RSRC1: variants seen among roughly 807,000 people sequenced by gnomAD.
The protein encoded by RSRC1 is serine/Arginine-related protein 53.
A neutral mutation model predicts 49.1 loss-of-function variants in RSRC1; 39 were observed. The observed-to-expected ratio is 0.79, with a 90% CI of 0.61 to 1.04. The LOEUF (loss-of-function observed/expected upper bound fraction) is 1.04. Ranked by LOEUF, RSRC1 falls within the 50% of genes least tolerant of loss-of-function variation. RSRC1 has a pLI of 0.00. For missense variants in RSRC1, 388 were observed against 402.4 expected (o/e 0.96, Z 0.31); for synonymous variants, 143 against 130.8 (o/e 1.09, Z -0.63).
intron 5 of RSRC1, among the ~76,000 whole-genome samples, chr3:158,307,386 A>G (rs1727892606): frequency 6.6e-6 from 1 of 151,952 alleles, no homozygotes; most frequent in African/African-American, 2.4e-5. Context: ...TCGAATGCTT[A>G]GCATATAAAG....
chr3:158,147,088 T>C (rs1427309152), intron 3 of RSRC1, among the ~76,000 whole-genome samples: 1 of 147,726 alleles, frequency 6.8e-6, no homozygotes, highest in Non-Finnish European at 1.5e-5. Flanking sequence ...CTTTTCTTTC[T>C]TCTGCTTTTC....
chr3:158,297,029 C>T (rs1425027686), intron 4 of RSRC1, among the ~76,000 whole-genome samples: 8 of 151,760 alleles, frequency 5.3e-5, no homozygotes, highest in African/African-American at 9.7e-5. Flanking sequence ...AAGTTGAGAC[C>T]CCTCAGAGAA....
intron 6 of RSRC1, among the ~76,000 whole-genome samples, chr3:158,396,100 T>C (rs575372417): frequency 2.0e-4 from 30 of 152,224 alleles, no homozygotes; most frequent in African/African-American, 7.0e-4. Flanking sequence ...AACCAAATGC[T>C]GCGTGTCCTC....
intron 4 of RSRC1, among the ~76,000 whole-genome samples, chr3:158,228,800 T>G (rs1722670111): frequency 6.6e-6 from 1 of 151,664 alleles, no homozygotes; most frequent in African/African-American, 2.4e-5. Flanking sequence ...TATATGTGTG[T>G]ATATATGTCT....
intron 4 of RSRC1, among the ~76,000 whole-genome samples, chr3:158,253,062 ATTGGC>A (rs1488037160): frequency 2.0e-5 from 3 of 149,602 alleles, no homozygotes; most frequent in African/African-American, 7.4e-5. Flanking sequence ...TTTGGCACTT[ATTGGC>A]TTCAAATTCA....
At chr3:158,407,788 A>C (rs896981161) in intron 6 of RSRC1, among the ~76,000 whole-genome samples, 5 of 152,204 alleles carry the variant, frequency 3.3e-5, no homozygotes, top group African/African-American at 7.2e-5. Context: ...CTTTTATAGA[A>C]TCTAAACTTA....
At chr3:158,253,766 A>G (rs933164023) in intron 4 of RSRC1, among the ~76,000 whole-genome samples, 25 of 151,928 alleles carry the variant, frequency 1.6e-4, no homozygotes, top group Admixed American at 3.9e-4. Flanking sequence ...ATATTTATAT[A>G]TTTATTTATT....
chr3:158,328,702 T>G (rs1729344053), intron 5 of RSRC1, among the ~76,000 whole-genome samples: 1 of 152,200 alleles, frequency 6.6e-6, no homozygotes, highest in South Asian at 2.1e-4. Context: ...AATCTGACAA[T>G]TATGCACCTT....
chr3:158,140,676 A>G (rs894136726), intron 3 of RSRC1, among the ~76,000 whole-genome samples: 1 of 152,228 alleles, frequency 6.6e-6, no homozygotes, highest in Admixed American at 6.5e-5. Context: ...TTCTTCTGCC[A>G]ATTTCCTCTT....
At position 158,454,719 on chromosome 3, in the gene RSRC1, G is replaced by C. The variant is rs899696421; in HGVS notation, c.584-6216G>C. Reference sequence around the variant, plus strand: ...ATTGTTGTTTGTGTTGTTCTTGTTTGTTGTATCTCTTTCGTAAGATTGGTT... The same window carrying C: ...ATTGTTGTTTGTGTTGTTCTTGTTTCTTGTATCTCTTTCGTAAGATTGGTT... On this transcript the variant is annotated intron_variant, in intron 6 of 9. Coordinates refer to ENST00000611884, the MANE Select transcript of RSRC1 (RefSeq NM_001271838.2). Among the ~76,000 whole-genome samples, 3 of 152,042 alleles carry C rather than the reference G, an allele frequency of 2.0e-5. 1 individual carries two copies. Among genetic ancestry groups the C allele is most frequent in the African/African-American group, 7.3e-5 (3 of 41,364 alleles).
At chr3:158,253,031 C>T (rs1160916373) in intron 4 of RSRC1, among the ~76,000 whole-genome samples, 1 of 131,760 alleles carries the variant, frequency 7.6e-6, no homozygotes, top group Non-Finnish European at 1.6e-5. Flanking sequence ...AGAAAATGAA[C>T]TTTTTCTTTC....
chr3:158,350,651 T>C (rs1730822572), intron 5 of RSRC1, among the ~76,000 whole-genome samples: 1 of 152,230 alleles, frequency 6.6e-6, no homozygotes, highest in Non-Finnish European at 1.5e-5. Context: ...TTTTTTCTCA[T>C]TAAGTTTCTA....
intron 6 of RSRC1, among the ~76,000 whole-genome samples, chr3:158,446,354 C>T (rs950125835): frequency 2.6e-5 from 4 of 151,372 alleles, no homozygotes; most frequent in Non-Finnish European, 4.4e-5. Flanking sequence ...TACTGTGTTA[C>T]TTTTTTTGGA....
intron 5 of RSRC1, among the ~76,000 whole-genome samples, chr3:158,349,624 TAGTC>T (rs1730748566): frequency 6.6e-6 from 1 of 151,910 alleles, no homozygotes; most frequent in Non-Finnish European, 1.5e-5. Context: ...TTATTCATAA[TAGTC>T]AGTTTTAACT....
At chr3:158,214,302 C>G (rs953962333) in intron 4 of RSRC1, among the ~76,000 whole-genome samples, 1 of 151,728 alleles carries the variant, frequency 6.6e-6, no homozygotes, top group South Asian at 2.1e-4. Context: ...CCCTTAGTAT[C>G]TTTTTAAAAT....
intron 3 of RSRC1, among the ~76,000 whole-genome samples, chr3:158,164,139 G>A (rs961617494): frequency 1.2e-4 from 18 of 152,162 alleles, no homozygotes; most frequent in African/African-American, 4.3e-4. Context: ...AATTTTGCCT[G>A]TTGAATGCAC....
intron 7 of RSRC1, among the ~76,000 whole-genome samples, chr3:158,533,935 G>A (rs1236183867): frequency 6.6e-6 from 1 of 151,566 alleles, no homozygotes. Flanking sequence ...CATTTCACAT[G>A]CTCAATTAGT....
At chr3:158,316,777 A>G (rs991529220) in intron 5 of RSRC1, among the ~76,000 whole-genome samples, 13 of 152,230 alleles carry the variant, frequency 8.5e-5, no homozygotes, top group Middle Eastern at 3.4e-3. Flanking sequence ...GTGCTATGAC[A>G]TTGTTTGGCC....
intron 7 of RSRC1, among the ~76,000 whole-genome samples, chr3:158,511,944 T>C (rs62287887): frequency 0.079 from 11,890 of 151,284 alleles, 462 homozygotes; most frequent in East Asian, 0.12. Flanking sequence ...TCTGTTCATG[T>C]CCTTCGCCCA....
Sources: allele counts gnomAD v4.1 joint callset (sites outside exome capture counted in the v4.1 genomes callset), GRCh38; gene constraint gnomAD v4.1.1; transcripts MANE v1.5; gene names NCBI Gene and HGNC (gene_info 2026-07-23, HGNC 2026-07-21).